Variants in LYPD1 observed in about 807,000 individuals in gnomAD.
LYPD1 encodes the protein ly6/PLAUR domain-containing protein 1.
A neutral mutation model predicts 14.2 loss-of-function variants in LYPD1; 14 were observed. The observed-to-expected ratio is 0.99, with a 90% CI of 0.65 to 1.54. LYPD1 has a LOEUF of 1.54. Among genes scored for constraint, LYPD1 ranks in the 40% most tolerant of loss-of-function variants. The probability of loss-of-function intolerance (pLI) is 0.00; values close to 1 mark genes in which losing one functional copy is unlikely to be tolerated. For missense variants in LYPD1, 165 were observed against 175.7 expected (o/e 0.94, Z 0.34); for synonymous variants, 85 against 70.6 (o/e 1.20, Z -1.02).
Position 132,645,498 on chromosome 2 carries a change from G to A in LYPD1, c.*547C>T, listed in dbSNP as rs770449411. On this transcript the variant is annotated 3_prime_UTR_variant, in exon 3 of 3. Transcript: ENST00000397463. ...TAAGCACTTTTCAGAGCGAGGCCGAGCCCCAGTCTAAGTCCCAGTCATTGA... is the reference window on the plus strand; with the variant it reads ...TAAGCACTTTTCAGAGCGAGGCCGAACCCCAGTCTAAGTCCCAGTCATTGA... 7.4e-6 allele frequency: 12 copies of A among 1,613,566 alleles called. No homozygotes were observed. The East Asian group carries it at 2.2e-4, about 30-fold the overall frequency.
chr2:132,651,008 C>G (rs759462416), intron 2 of LYPD1, among the ~76,000 whole-genome samples: 2 of 152,064 alleles, frequency 1.3e-5, no homozygotes, highest in Non-Finnish European at 2.9e-5. Context: ...CTATAACATG[C>G]ATCCATTGGG....
chr2:132,657,850 C>A (rs1372027839), intron 2 of LYPD1, among the ~76,000 whole-genome samples: 1 of 152,006 alleles, frequency 6.6e-6, no homozygotes, highest in East Asian at 1.9e-4. Context: ...AAAAATTATC[C>A]CTGTCCTTTT....
At chr2:132,668,577 C>G in intron 1 of LYPD1, 40 bp from the exon 2 acceptor site, 4 of 1,602,354 alleles carry the variant, frequency 2.5e-6, no homozygotes, top group Non-Finnish European at 3.4e-6. Flanking sequence ...CCGGCCCCCA[C>G]AGAGCCCACC....
chr2:132,659,135 G>A (rs1361272662), intron 2 of LYPD1, among the ~76,000 whole-genome samples: 1 of 152,210 alleles, frequency 6.6e-6, no homozygotes, highest in African/African-American at 2.4e-5. Flanking sequence ...TAACTAAAAA[G>A]TAAAAGGTAT....
rs1396532283 is a variant in LYPD1 at position 132,645,336 on chromosome 2, G to A, written c.*709C>T. ...TGCAGGTGCTGTGCTGCCGCCTGTCGCTGCAGCACGCCAACCACGAGAAGC... is the reference window on the plus strand; with the variant it reads ...TGCAGGTGCTGTGCTGCCGCCTGTCACTGCAGCACGCCAACCACGAGAAGC... On this transcript the variant is annotated 3_prime_UTR_variant, in exon 3 of 3. Transcript: ENST00000397463. 11 of 1,614,088 alleles carry A rather than the reference G, an allele frequency of 6.8e-6. No individual in the cohort carries two copies. Among genetic ancestry groups the A allele is most frequent in the Non-Finnish European group, 9.3e-6 (11 of 1,180,036 alleles).
chr2:132,651,362 GGT>G (rs1276173845), intron 2 of LYPD1, among the ~76,000 whole-genome samples: 5 of 152,098 alleles, frequency 3.3e-5, no homozygotes, highest in Admixed American at 3.3e-4. Context: ...CAAGTCTCAG[GGT>G]CACGGGGCAG....
At chr2:132,661,153 G>A (rs1204551328) in intron 2 of LYPD1, among the ~76,000 whole-genome samples, 1 of 152,180 alleles carries the variant, frequency 6.6e-6, no homozygotes. Context: ...CAGATGTGGA[G>A]CTGGGCATCT....
In LYPD1 at chr2:132,644,991, A is replaced by G. The variant is rs1681975014; in HGVS notation, c.*1054T>C. 2 of 1,261,724 alleles carry G rather than the reference A, an allele frequency of 1.6e-6. No individual in the cohort carries two copies. The highest frequency in any genetic ancestry group is 1.1e-6 in the Non-Finnish European group (1 of 920,724). 78.2% of individuals were successfully genotyped at this position (1,261,724 alleles called of 1,614,324 possible). ...GAAAAATTGGTACCATTTCCTGGCCAGTAAGCACAGAACAGAGGGGCTAAA... is the reference window on the plus strand; with the variant it reads ...GAAAAATTGGTACCATTTCCTGGCCGGTAAGCACAGAACAGAGGGGCTAAA... On this transcript the variant is annotated 3_prime_UTR_variant, in exon 3 of 3. Coordinates refer to ENST00000397463, the MANE Select transcript of LYPD1 (RefSeq NM_144586.7).
intron 2 of LYPD1, among the ~76,000 whole-genome samples, chr2:132,648,834 A>T (rs768745587): frequency 6.6e-6 from 1 of 151,712 alleles, no homozygotes; most frequent in Non-Finnish European, 1.5e-5. Flanking sequence ...AAGAGGGAGG[A>T]TGGGGAAAGG....
intron 2 of LYPD1, chr2:132,666,856 A>G (rs907386246): frequency 7.2e-5 from 11 of 152,246 alleles, no homozygotes; most frequent in Admixed American, 4.6e-4. Context: ...TATGACACCC[A>G]GGTAAGCAGT....
At chr2:132,668,359 C>T (rs776953299) in intron 2 of LYPD1, 41 bp downstream of exon 2, 1 of 1,574,330 alleles carries the variant, frequency 6.4e-7, no homozygotes. Context: ...CACCCCACAG[C>T]CCAGGCTTAA....
At chr2:132,660,961 G>C (rs1470842601) in intron 2 of LYPD1, among the ~76,000 whole-genome samples, 1 of 152,124 alleles carries the variant, frequency 6.6e-6, no homozygotes, top group African/African-American at 2.4e-5. Context: ...TTATCCTCAA[G>C]CTTTCTCAAG....
intron 2 of LYPD1, among the ~76,000 whole-genome samples, chr2:132,654,030 A>G (rs916884941): frequency 1.3e-5 from 2 of 152,214 alleles, no homozygotes; most frequent in African/African-American, 4.8e-5. Flanking sequence ...ATCTTGGAAC[A>G]GAAAAAGGCA....
In LYPD1 at chr2:132,643,697, T is replaced by C. The variant is rs1681916087; in HGVS notation, c.*2348A>G. Among the ~76,000 whole-genome samples, 1 of 152,136 alleles carries C rather than the reference T, an allele frequency of 6.6e-6. No individual in the cohort carries two copies. Among genetic ancestry groups the C allele is most frequent in the Admixed American group, 6.5e-5 (1 of 15,282 alleles). On this transcript the variant is annotated 3_prime_UTR_variant, in exon 3 of 3. Coordinates refer to ENST00000397463, the MANE Select transcript of LYPD1 (RefSeq NM_144586.7). Reference sequence around the variant, plus strand: ...ACCATGCCTGGCTAAGTTTTTCTTTTTTTGTAGAGATGGGGTCTTGCTATG... The same window carrying C: ...ACCATGCCTGGCTAAGTTTTTCTTTCTTTGTAGAGATGGGGTCTTGCTATG...
chr2:132,649,782 TCACATG>T (rs1682280773), intron 2 of LYPD1, among the ~76,000 whole-genome samples: 1 of 152,138 alleles, frequency 6.6e-6, no homozygotes, highest in Non-Finnish European at 1.5e-5. Context: ...GTTCCACCAT[TCACATG>T]CTTAGGATAA....
chr2:132,663,860 A>T (rs1402797920), intron 2 of LYPD1, among the ~76,000 whole-genome samples: 1 of 152,208 alleles, frequency 6.6e-6, no homozygotes, highest in Non-Finnish European at 1.5e-5. Flanking sequence ...AAAATAAAAT[A>T]AAAAAATCTT....
At chr2:132,671,302 T>C (rs913777507), upstream of LYPD1, 5 of 152,300 alleles carry the variant, frequency 3.3e-5, no homozygotes, top group African/African-American at 1.2e-4. Flanking sequence ...AATCCGCACA[T>C]TCCCATCCCC....
Position 132,645,679 on chromosome 2 carries a change from C to G in LYPD1, c.*366G>C, listed in dbSNP as rs1682029800. 8.5e-6 allele frequency: 13 copies of G among 1,529,370 alleles called. No homozygotes were observed. Among genetic ancestry groups the G allele is most frequent in the Non-Finnish European group, 1.1e-5 (13 of 1,138,420 alleles). 94.7% of individuals were successfully genotyped at this position (1,529,370 alleles called of 1,614,324 possible). On this transcript the variant is annotated 3_prime_UTR_variant, in exon 3 of 3. Transcript: ENST00000397463. Reference sequence around the variant, plus strand: ...GAAAACGTCACTCTCACTCTGCAGTCTCAAACTATGCCCCCATCAGGGATG... The same window carrying G: ...GAAAACGTCACTCTCACTCTGCAGTGTCAAACTATGCCCCCATCAGGGATG...
At position 132,644,808 on chromosome 2, in the gene LYPD1, A is replaced by G. The variant is rs916695578; in HGVS notation, c.*1237T>C. ...TTTCTGGATACGCAAACAAACACCA[A>G]TGAAAACATTTTTTTAAAATTAACA... On this transcript the variant is annotated 3_prime_UTR_variant, in exon 3 of 3. Coordinates refer to ENST00000397463, the MANE Select transcript of LYPD1 (RefSeq NM_144586.7). The G allele has an allele frequency of 8.1e-6, 3 of 368,546 alleles. No homozygotes were observed. The highest frequency in any genetic ancestry group is 2.1e-5 in the African/African-American group (1 of 47,500). The allele number at this position is 368,546 out of a possible 1,614,324, so 22.8% of individuals were successfully genotyped here.
Sources: allele counts gnomAD v4.1 joint callset (sites outside exome capture counted in the v4.1 genomes callset), GRCh38; gene constraint gnomAD v4.1.1; transcripts MANE v1.5; gene names NCBI Gene and HGNC (gene_info 2026-07-23, HGNC 2026-07-21).